Variants in KCNS3 observed in about 807,000 individuals in gnomAD.
KCNS3 encodes potassium voltage-gated channel modifier subfamily S member 3.
KCNS3 carries 13 observed loss-of-function variants against 31.0 expected under a neutral mutation model. The observed-to-expected ratio is 0.42, with a 90% confidence interval of 0.27 to 0.67. The LOEUF (loss-of-function observed/expected upper bound fraction) is 0.67, where lower values mean the gene tolerates loss of function less well. KCNS3 is among the 30% of genes least tolerant of loss of function. The pLI, the probability that KCNS3 is intolerant of heterozygous loss-of-function variation, is 0.25. For synonymous variants in KCNS3, 238 were observed against 241.5 expected, an observed-to-expected ratio of 0.99 and a Z score of 0.13; for missense variants, 545 against 622.4, an observed-to-expected ratio of 0.88 and a Z score of 1.32.
At chr2:17,902,233 A>T (rs1022335350) in intron 1 of KCNS3, among the ~76,000 whole-genome samples, 2 of 152,138 alleles carry the variant, frequency 1.3e-5, no homozygotes, top group East Asian at 3.9e-4. Context: ...AAACGCTTAA[A>T]AATGGGGTAT....
intron 2 of KCNS3, among the ~76,000 whole-genome samples, chr2:17,925,527 C>T (rs1662817924): frequency 6.6e-6 from 1 of 152,158 alleles, no homozygotes; most frequent in Non-Finnish European, 1.5e-5. Context: ...CACAGTTCCG[C>T]AGGGCTAGGG....
chr2:17,909,252 C>G (rs948780391), intron 1 of KCNS3, among the ~76,000 whole-genome samples: 5 of 152,212 alleles, frequency 3.3e-5, no homozygotes, highest in Non-Finnish European at 7.3e-5. Flanking sequence ...TGGGACCCTC[C>G]AAGCCATGCA....
intron 1 of KCNS3, among the ~76,000 whole-genome samples, chr2:17,911,836 T>C (rs906559716): frequency 6.6e-6 from 1 of 152,230 alleles, no homozygotes; most frequent in Non-Finnish European, 1.5e-5. Context: ...AGCTGTTGAC[T>C]CCCTAAAATC....
At chr2:17,919,059 C>T (rs1446030479) in intron 2 of KCNS3, among the ~76,000 whole-genome samples, 5 of 152,202 alleles carry the variant, frequency 3.3e-5, no homozygotes, top group African/African-American at 1.2e-4. Flanking sequence ...CTATCATCTA[C>T]GATTCTTTGC....
intron 1 of KCNS3, among the ~76,000 whole-genome samples, chr2:17,880,641 C>T (rs1044082920): frequency 6.6e-6 from 1 of 152,198 alleles, no homozygotes; most frequent in Non-Finnish European, 1.5e-5. Context: ...AATGCAGCTA[C>T]GCTAAGGTTT....
rs1661757725 is a variant in KCNS3 at position 17,888,637 on chromosome 2, A to ATATATATATATC, written c.-252+9842_-252+9843insCTATATATATAT. 4.2e-5 allele frequency among the ~76,000 whole-genome samples: 3 copies of ATATATATATATC among 70,748 alleles called. No homozygotes were observed. The South Asian group carries it at 1.2e-3, about 29-fold the overall frequency. The allele number at this position is 70,748 out of a possible 152,430, so 46.4% of individuals were successfully genotyped here. ...AGTATAATAAAAAAAATGTATATAT[A>ATATATATATATC]TATATATATATATATATATATATAT... On this transcript the variant is annotated intron_variant, in intron 1 of 2. Coordinates refer to ENST00000304101, the MANE Select transcript of KCNS3 (RefSeq NM_002252.5).
At chr2:17,908,325 A>G (rs915598026) in intron 1 of KCNS3, among the ~76,000 whole-genome samples, 2 of 152,016 alleles carry the variant, frequency 1.3e-5, no homozygotes, top group African/African-American at 4.8e-5. Context: ...TCATTTAAGG[A>G]CTTCTCTACC....
At chr2:17,908,842 C>T (rs181070824) in intron 1 of KCNS3, among the ~76,000 whole-genome samples, 82 of 152,292 alleles carry the variant, frequency 5.4e-4, no homozygotes, top group Middle Eastern at 6.8e-3. Context: ...GAGGGGTACC[C>T]GGCCGTGTGA....
intron 1 of KCNS3, among the ~76,000 whole-genome samples, chr2:17,880,416 C>T (rs1187308401): frequency 6.6e-6 from 1 of 152,216 alleles, no homozygotes; most frequent in African/African-American, 2.4e-5. Flanking sequence ...TCTGTTCTTT[C>T]TTTCTCACCA....
intron 2 of KCNS3, among the ~76,000 whole-genome samples, chr2:17,925,107 G>T (rs1337965328): frequency 1.3e-5 from 2 of 151,966 alleles, no homozygotes; most frequent in Admixed American, 1.3e-4. Flanking sequence ...AAAATTCTAA[G>T]CCCTCTTGAC....
chr2:17,903,956 C>A (rs1336866354), intron 1 of KCNS3, among the ~76,000 whole-genome samples: 1 of 152,106 alleles, frequency 6.6e-6, no homozygotes, highest in Non-Finnish European at 1.5e-5. Flanking sequence ...GATTTATAAT[C>A]CTTTGGGTAT....
At chr2:17,893,952 T>G (rs1318130279) in intron 1 of KCNS3, among the ~76,000 whole-genome samples, 3 of 148,642 alleles carry the variant, frequency 2.0e-5, no homozygotes, top group Non-Finnish European at 3.0e-5. Flanking sequence ...TTTTTTTTTT[T>G]TTTTTTTTTT....
intron 1 of KCNS3, among the ~76,000 whole-genome samples, chr2:17,901,875 C>G (rs964558848): frequency 4.6e-5 from 7 of 151,994 alleles, no homozygotes; most frequent in African/African-American, 1.5e-4. Flanking sequence ...CACGTGATAC[C>G]CACAGATAAG....
chr2:17,931,624 A>G lies in KCNS3; in HGVS notation c.616A>G (p.Ser206Gly). Residue 206 changes from serine to glycine, a missense_variant, in exon 3 of 3, where the codon AGC (serine) becomes GGC (glycine). Physicochemically the swap from Ser to Gly is moderately conservative, Grantham distance 56. Coordinates refer to ENST00000304101, the MANE Select transcript of KCNS3 (RefSeq NM_002252.5). The surrounding 1 kb of genome is among the most constrained non-coding windows in gnomAD (Gnocchi z 5.4). ...LASIVAMCVH[S>G]MSEFQNEDGE... The stretch of plus-strand genomic sequence containing the variant: ...CTCCATCGTGGCCATGTGCGTTCAC[A>G]GCATGTCGGAGTTCCAGAATGAGGA... 1 of 1,614,198 alleles carries G rather than the reference A, an allele frequency of 6.2e-7. No individual in the cohort carries two copies. The highest frequency in any genetic ancestry group is 8.5e-7 in the Non-Finnish European group (1 of 1,180,036).
Position 17,931,898 on chromosome 2 carries a change from T to C in KCNS3, c.890T>C (p.Ile297Thr). The change falls in exon 3 of 3, where the codon ATT (isoleucine) becomes ACT (threonine). Residue 297 changes from isoleucine to threonine, a missense_variant. Transcript: ENST00000304101. The surrounding 1 kb of genome is among the most constrained non-coding windows in gnomAD (Gnocchi z 5.4). ...KVVQILRLMR[I>T]FRILKLARHS... is the part of the protein sequence containing the mutation. ...GTCCAGATCCTACGGCTTATGAGGA[T>C]TTTCCGAATTCTAAAGCTTGCCCGG... 1 of 1,614,038 alleles carries C rather than the reference T, an allele frequency of 6.2e-7. No individual in the cohort carries two copies. Among genetic ancestry groups the C allele is most frequent in the Non-Finnish European group, 8.5e-7 (1 of 1,179,982 alleles).
At chr2:17,930,383 AG>A (rs1464016911) in intron 2 of KCNS3, among the ~76,000 whole-genome samples, 2 of 152,216 alleles carry the variant, frequency 1.3e-5, no homozygotes, top group Non-Finnish European at 2.9e-5. Flanking sequence ...CACAGGGAGT[AG>A]GGCTTTCTCT....
Position 17,932,635 on chromosome 2 carries a change from A to C in KCNS3, c.*151A>C, listed in dbSNP as rs959538791. ...ATTCATTGCTGAATTCTGAAATGAT[A>C]GAATTGTCTTTATTTTTCTCTGTGA... On this transcript the variant is annotated 3_prime_UTR_variant, in exon 3 of 3. Transcript: ENST00000304101. 1 of 778,618 alleles carries C rather than the reference A, an allele frequency of 1.3e-6. No individual in the cohort carries two copies. Among genetic ancestry groups the C allele is most frequent in the Non-Finnish European group, 2.0e-6 (1 of 496,654 alleles). The allele number at this position is 778,618 out of a possible 1,614,324, so 48.2% of individuals were successfully genotyped here.
At chr2:17,908,456 A>C (rs1266145214) in intron 1 of KCNS3, among the ~76,000 whole-genome samples, 2 of 152,148 alleles carry the variant, frequency 1.3e-5, no homozygotes, top group East Asian at 3.8e-4. Flanking sequence ...TTCTTTTCTC[A>C]ACTCGTCAAA....
chr2:17,921,918 T>C (rs1662721427), intron 2 of KCNS3, among the ~76,000 whole-genome samples: 2 of 27,542 alleles, frequency 7.3e-5, no homozygotes, highest in African/African-American at 3.0e-4. Flanking sequence ...TGTGTGTGTA[T>C]ATATATATAT....
Sources: gnomAD v4.1 joint callset for allele counts (sites outside exome capture counted in the v4.1 genomes callset) on GRCh38, gnomAD v4.1.1 for gene constraint, Gnocchi (gnomAD v3.1) non-coding constraint, MANE v1.5 for transcripts, NCBI Gene and HGNC (gene_info 2026-07-23, HGNC 2026-07-21) for gene names.